CEP126: variants seen among roughly 807,000 people sequenced by gnomAD.
CEP126 encodes centrosomal protein 126.
In CEP126, 74 loss-of-function variants were observed where a neutral mutation model predicts 107.8. The observed-to-expected ratio is 0.69, with a 90% CI of 0.57 to 0.83. The LOEUF is 0.83. Among genes scored for constraint, CEP126 ranks in the 40% least tolerant of loss-of-function variants. CEP126 has a pLI of 0.00. For missense variants in CEP126, 1,237 were observed against 1,281.9 expected, an observed-to-expected ratio of 0.96 and a Z score of 0.53; for synonymous variants, 449 against 446.0, an observed-to-expected ratio of 1.01 and a Z score of -0.08.
intron 10 of CEP126, among the ~76,000 whole-genome samples, chr11:101,997,130 CA>C (rs1211314533): frequency 6.6e-6 from 1 of 152,184 alleles, no homozygotes; most frequent in African/African-American, 2.4e-5. Context: ...CTCCGCCTCC[CA>C]GGTTCAAGGG....
chr11:101,970,898 A>T (rs957397129), intron 6 of CEP126, among the ~76,000 whole-genome samples: 9 of 152,236 alleles, frequency 5.9e-5, no homozygotes, highest in Non-Finnish European at 1.2e-4. Context: ...TATAAATTGC[A>T]TAGCTAGTGT....
chr11:101,931,137 AT>A (rs1940493496), intron 2 of CEP126, among the ~76,000 whole-genome samples: 2 of 152,268 alleles, frequency 1.3e-5, no homozygotes, highest in South Asian at 4.1e-4. Flanking sequence ...TTGTTACTAA[AT>A]TTTTGAGCTT....
At chr11:101,955,202 A>T (rs1232882686) in intron 4 of CEP126, among the ~76,000 whole-genome samples, 1 of 151,032 alleles carries the variant, frequency 6.6e-6, no homozygotes, top group East Asian at 2.1e-4. Flanking sequence ...GAGATATAAG[A>T]ATATTAATAA....
chr11:101,963,129 T>TA lies in CEP126; in HGVS notation c.2095dup (p.Thr699AsnfsTer22). 3.1e-6 allele frequency: 5 copies of TA among 1,614,116 alleles called. No individual in the cohort carries two copies. Among genetic ancestry groups the TA allele is most frequent in the Non-Finnish European group, 4.2e-6 (5 of 1,179,998 alleles). On this transcript the variant is annotated frameshift_variant, in exon 6 of 11. Coordinates refer to ENST00000263468, the MANE Select transcript of CEP126 (RefSeq NM_020802.4). LOFTEE classifies it high-confidence loss of function. ...GGGAGGATTCTATCTCTGAAAATGT[T>TA]ACGACTTTAGGAGGATCTGGAGCAG...
At chr11:101,971,587 C>CA (rs1270381791) in intron 6 of CEP126, among the ~76,000 whole-genome samples, 1 of 152,052 alleles carries the variant, frequency 6.6e-6, no homozygotes, top group Non-Finnish European at 1.5e-5. Context: ...GGTGGGGACT[C>CA]ACTGCGTTGC....
At chr11:101,917,297 A>G (rs1454145944) in intron 1 of CEP126, among the ~76,000 whole-genome samples, 1 of 152,134 alleles carries the variant, frequency 6.6e-6, no homozygotes, top group African/African-American at 2.4e-5. Context: ...TTGGATACCT[A>G]GCACAGAGTA....
chr11:101,950,548 T>TA, intron 4 of CEP126, among the ~76,000 whole-genome samples: 1 of 152,334 alleles, frequency 6.6e-6, no homozygotes, highest in South Asian at 2.1e-4. Flanking sequence ...TACAACATAA[T>TA]ACACATGTAA....
At chr11:101,980,351 A>G (rs894163285) in intron 7 of CEP126, among the ~76,000 whole-genome samples, 2 of 152,314 alleles carry the variant, frequency 1.3e-5, no homozygotes, top group South Asian at 4.1e-4. Context: ...TAAAAGTAAT[A>G]TGTAGTTAAT....
At chr11:101,944,228 A>T in intron 2 of CEP126, 37 bp from the exon 3 acceptor site, 1 of 1,500,880 alleles carries the variant, frequency 6.7e-7, no homozygotes, top group Non-Finnish European at 8.9e-7. Flanking sequence ...TAAACTTACC[A>T]CCTATTTCTG....
At chr11:101,935,019 A>T (rs1488311057) in intron 2 of CEP126, among the ~76,000 whole-genome samples, 1 of 152,056 alleles carries the variant, frequency 6.6e-6, no homozygotes, top group Non-Finnish European at 1.5e-5. Flanking sequence ...ACCCTCCAGC[A>T]TTGTGCATGT....
At chr11:101,985,654 A>G (rs1246856795) in intron 8 of CEP126, among the ~76,000 whole-genome samples, 1 of 152,208 alleles carries the variant, frequency 6.6e-6, no homozygotes, top group African/African-American at 2.4e-5. Flanking sequence ...AAATTCTAAA[A>G]AAGTCCAAAA....
intron 9 of CEP126, 63 bp from the exon 10 acceptor site, chr11:101,992,715 G>C: frequency 1.1e-6 from 1 of 907,174 alleles, no homozygotes; most frequent in Non-Finnish European, 1.6e-6. Flanking sequence ...TGATTCTTTA[G>C]TCATTCTTCT....
intron 2 of CEP126, among the ~76,000 whole-genome samples, chr11:101,926,090 TAAAAC>T (rs1338623926): frequency 1.3e-5 from 2 of 152,106 alleles, no homozygotes; most frequent in East Asian, 3.9e-4. Context: ...TTCCGAAAGA[TAAAAC>T]AATAAAAAAC....
At chr11:101,943,995 G>A (rs1940703107) in intron 2 of CEP126, among the ~76,000 whole-genome samples, 1 of 152,084 alleles carries the variant, frequency 6.6e-6, no homozygotes, top group African/African-American at 2.4e-5. Context: ...TTTGCGAGGT[G>A]GGAATAGGTA....
chr11:101,985,401 G>T (rs976872772), intron 8 of CEP126, among the ~76,000 whole-genome samples: 1 of 151,652 alleles, frequency 6.6e-6, no homozygotes, highest in Non-Finnish European at 1.5e-5. Context: ...TCCTGCATCA[G>T]CCTCCCAAGT....
intron 2 of CEP126, among the ~76,000 whole-genome samples, chr11:101,930,344 A>G (rs1335245299): frequency 6.6e-6 from 1 of 152,120 alleles, no homozygotes; most frequent in African/African-American, 2.4e-5. Flanking sequence ...TAACTAATAC[A>G]GTGTAAATGT....
At chr11:101,990,033 TGA>T (rs1223393091) in intron 9 of CEP126, among the ~76,000 whole-genome samples, 1 of 152,148 alleles carries the variant, frequency 6.6e-6, no homozygotes, top group Admixed American at 6.5e-5. Flanking sequence ...TGGGAGAATA[TGA>T]GAGAGGGAAA....
intron 2 of CEP126, among the ~76,000 whole-genome samples, chr11:101,932,216 AAAG>A (rs1399459285): frequency 6.6e-6 from 1 of 152,224 alleles, no homozygotes; most frequent in Non-Finnish European, 1.5e-5. Flanking sequence ...CTGAGTAATG[AAAG>A]AAGTATAGTA....
intron 1 of CEP126, 32 bp downstream of exon 1, chr11:101,915,444 G>C (rs754372719): frequency 2.5e-6 from 4 of 1,585,428 alleles, no homozygotes; most frequent in Non-Finnish European, 3.4e-6. Flanking sequence ...TGCCAGGGTA[G>C]CGATGTTGAA....
Sources: allele counts gnomAD v4.1 joint callset (sites outside exome capture counted in the v4.1 genomes callset), GRCh38; gene constraint gnomAD v4.1.1; transcripts MANE v1.5; gene names NCBI Gene and HGNC (gene_info 2026-07-23, HGNC 2026-07-21).